Variants in SH3PXD2B observed in about 807,000 individuals in gnomAD.
SH3PXD2B encodes SH3 and PX domains 2B, also known as SH3 and PX domain-containing protein 2B.
SH3PXD2B carries 37 observed loss-of-function variants against 73.1 expected under a neutral mutation model. That is an observed-to-expected ratio of 0.51 (90% CI 0.39 to 0.67). The LOEUF (loss-of-function observed/expected upper bound fraction) is 0.67, where lower values mean the gene tolerates loss of function less well. SH3PXD2B is among the 30% of genes least tolerant of loss of function. The pLI is 0.00. For missense variants in SH3PXD2B, 1,053 were observed against 1,197.8 expected, an observed-to-expected ratio of 0.88 and a Z score of 1.78; for synonymous variants, 457 against 480.5, an observed-to-expected ratio of 0.95 and a Z score of 0.64.
chr5:172,390,727 G>A (rs12514442), intron 4 of SH3PXD2B, among the ~76,000 whole-genome samples: 2 of 151,668 alleles, frequency 1.3e-5, no homozygotes, highest in Non-Finnish European at 2.9e-5. Flanking sequence ...TTTTCAATTC[G>A]CTTGAGTATA....
At chr5:172,429,212 C>G (rs1241404746) in intron 1 of SH3PXD2B, among the ~76,000 whole-genome samples, 1 of 152,164 alleles carries the variant, frequency 6.6e-6, no homozygotes, top group African/African-American at 2.4e-5. Flanking sequence ...CCTTGGCAGG[C>G]CTTTGGTCTG....
chr5:172,366,931 CA>C (rs1757540527), intron 6 of SH3PXD2B, among the ~76,000 whole-genome samples: 1 of 69,684 alleles, frequency 1.4e-5, no homozygotes, highest in African/African-American at 5.9e-5. Context: ...CGTGCCCGGC[CA>C]TTTTTTTTTT....
intron 12 of SH3PXD2B, among the ~76,000 whole-genome samples, chr5:172,341,498 G>A (rs1464508411): frequency 6.6e-6 from 1 of 152,130 alleles, no homozygotes; most frequent in African/African-American, 2.4e-5. Context: ...GCTATGTGAT[G>A]TGCCTACTCC....
chr5:172,357,371 C>T (rs1439059352), intron 8 of SH3PXD2B, among the ~76,000 whole-genome samples: 1 of 151,734 alleles, frequency 6.6e-6, no homozygotes, highest in Non-Finnish European at 1.5e-5. Flanking sequence ...TCGCAGTGAG[C>T]CGAGATCATG....
chr5:172,381,873 T>G (rs1165160748), intron 5 of SH3PXD2B, among the ~76,000 whole-genome samples, 163 bp downstream of exon 5: 1 of 152,192 alleles, frequency 6.6e-6, no homozygotes, highest in African/African-American at 2.4e-5. Flanking sequence ...GGACGATCGC[T>G]ACCCACTTAC....
intron 3 of SH3PXD2B, among the ~76,000 whole-genome samples, chr5:172,404,048 C>T (rs1329888977): frequency 6.6e-6 from 1 of 152,178 alleles, no homozygotes; most frequent in African/African-American, 2.4e-5. Context: ...GGGGTTTTCT[C>T]CAGCAGGAAA....
intron 12 of SH3PXD2B, among the ~76,000 whole-genome samples, chr5:172,344,408 C>T (rs1756932368): frequency 6.6e-6 from 1 of 151,700 alleles, no homozygotes; most frequent in East Asian, 1.9e-4. Flanking sequence ...GCCAACATGG[C>T]AAAACCCTGT....
At chr5:172,325,795 T>G (rs1332291116) in intron 12 of SH3PXD2B, among the ~76,000 whole-genome samples, 8 of 152,152 alleles carry the variant, frequency 5.3e-5, no homozygotes, top group Admixed American at 4.6e-4. Flanking sequence ...TTGTTTTGTT[T>G]TTTGAGACAG....
intron 1 of SH3PXD2B, among the ~76,000 whole-genome samples, chr5:172,431,747 C>T (rs971593594): frequency 1.3e-5 from 2 of 152,162 alleles, no homozygotes; most frequent in Non-Finnish European, 2.9e-5. Context: ...TGTAAAGTCA[C>T]TGAGAACACT....
In SH3PXD2B at chr5:172,347,268, C is replaced by A. The variant is rs111572530; in HGVS notation, c.1062+15G>T. The stretch of plus-strand genomic sequence containing the variant: ...CAAGTCAGTGGCCACTCCCCAGTAG[C>A]GAGGATCCACTTACAATGGTCATGT... On this transcript the variant is annotated intron_variant, in intron 11 of 12. Coordinates refer to ENST00000311601, the MANE Select transcript of SH3PXD2B (RefSeq NM_001017995.3). The A allele has an allele frequency of 3.7e-6, 6 of 1,613,866 alleles. No individual in the cohort carries two copies. The East Asian group carries it at 1.3e-4, about 36-fold the overall frequency.
At chr5:172,347,957 C>A (rs935377198) in intron 10 of SH3PXD2B, among the ~76,000 whole-genome samples, 21 of 152,116 alleles carry the variant, frequency 1.4e-4, no homozygotes, top group African/African-American at 5.1e-4. Context: ...GGTCTCAGGG[C>A]CAGGAGGATG....
chr5:172,439,251 G>GAAAAAAAAAAAAAAAAAAAAAAAAAAAAA (rs1240619268), intron 1 of SH3PXD2B, among the ~76,000 whole-genome samples: 2 of 35,196 alleles, frequency 5.7e-5, no homozygotes, highest in Non-Finnish European at 7.2e-5. Context: ...AAAAAAAAAA[G>GAAAAAAAAAAAAAAAAAAAAAAAAAAAAA]AAAAAAAAAA....
chr5:172,414,776 GCTCCTTCACGGGCAGAGTGA>G (rs1758782527), intron 2 of SH3PXD2B, among the ~76,000 whole-genome samples: 1 of 152,194 alleles, frequency 6.6e-6, no homozygotes, highest in South Asian at 2.1e-4. Context: ...TCTCCCGAGG[GCTCCTTCACGGGCAGAGTGA>G]CTCAGCTGGT....
intron 1 of SH3PXD2B, among the ~76,000 whole-genome samples, chr5:172,443,674 G>A (rs1288911856): frequency 6.6e-6 from 1 of 152,256 alleles, no homozygotes; most frequent in Non-Finnish European, 1.5e-5. Context: ...CTGACTGGAA[G>A]CCAACAGTGG....
intron 4 of SH3PXD2B, among the ~76,000 whole-genome samples, chr5:172,391,133 G>A (rs977968682): frequency 1.5e-4 from 23 of 152,080 alleles, no homozygotes; most frequent in African/African-American, 4.6e-4. Flanking sequence ...GAGCCACCAC[G>A]CCCGGCTTGC....
At chr5:172,451,134 T>C (rs1488940049) in intron 1 of SH3PXD2B, among the ~76,000 whole-genome samples, 1 of 152,192 alleles carries the variant, frequency 6.6e-6, no homozygotes, top group Non-Finnish European at 1.5e-5. Flanking sequence ...GAAGGCACCA[T>C]TTCAGAGGGA....
chr5:172,334,615 G>C lies in SH3PXD2B; in HGVS notation c.*3754C>G. The C allele has an allele frequency of 2.0e-6, 2 of 985,524 alleles. No individual in the cohort carries two copies. The highest frequency in any genetic ancestry group is 1.2e-6 in the Non-Finnish European group (1 of 829,982). The allele number at this position is 985,524 out of a possible 1,614,324, so 61.0% of individuals were successfully genotyped here. ...CCAAGGGGGCAGCTTAAGCCAACAT[G>C]TAAGACTTGGGCACGATGAAAGGAC... On this transcript the variant is annotated 3_prime_UTR_variant, in exon 13 of 13. Transcript: ENST00000311601.
At chr5:172,394,682 G>C in intron 3 of SH3PXD2B, 43 bp from the exon 4 acceptor site, 1 of 1,605,450 alleles carries the variant, frequency 6.2e-7, no homozygotes, top group Non-Finnish European at 8.5e-7. Context: ...AGGGAACAGG[G>C]ACAAGCTCTC....
At chr5:172,365,630 T>C (rs1757501888) in intron 6 of SH3PXD2B, among the ~76,000 whole-genome samples, 1 of 152,144 alleles carries the variant, frequency 6.6e-6, no homozygotes, top group Admixed American at 6.5e-5. Context: ...AGACTCAAGA[T>C]GACAGTTCCC....
Sources: gnomAD v4.1 joint callset for allele counts (sites outside exome capture counted in the v4.1 genomes callset) on GRCh38, gnomAD v4.1.1 for gene constraint, MANE v1.5 for transcripts, NCBI Gene and HGNC (gene_info 2026-07-23, HGNC 2026-07-21) for gene names.